Variants in KIAA2012 observed in about 807,000 individuals in gnomAD.
The protein encoded by KIAA2012 is uncharacterized protein KIAA2012.
A neutral mutation model predicts 150.6 loss-of-function variants in KIAA2012; 125 were observed. The observed-to-expected ratio is 0.83, with a 90% CI of 0.72 to 0.96. The LOEUF (loss-of-function observed/expected upper bound fraction) is 0.96. Among genes scored for constraint, KIAA2012 ranks in the 40% least tolerant of loss-of-function variants. The pLI, the probability that KIAA2012 is intolerant of heterozygous loss-of-function variation, is 0.00. For missense variants in KIAA2012, 1,219 were observed against 1,354.9 expected, an observed-to-expected ratio of 0.90 and a Z score of 1.57; for synonymous variants, 462 against 504.7, an observed-to-expected ratio of 0.92 and a Z score of 1.13.
chr2:202,112,386 G>A lies in KIAA2012; in HGVS notation c.1652-950G>A, dbSNP rs551400049. ...CCCATCTCTTCATATGGCTGTTCAC[G>A]ATATCCTTTCTAATGTCCTTTATAA... On this transcript the variant is annotated intron_variant, in intron 10 of 23. Coordinates refer to ENST00000498697, the MANE Select transcript of KIAA2012 (RefSeq NM_001277372.4). Among the ~76,000 whole-genome samples, 8 of 152,310 alleles carry A rather than the reference G, an allele frequency of 5.3e-5. No individual in the cohort carries two copies. The East Asian group carries it at 1.4e-3, about 26-fold the overall frequency.
intron 19 of KIAA2012, 120 bp from the exon 20 acceptor site, chr2:202,193,181 T>C (rs896181768): frequency 9.9e-7 from 1 of 1,006,972 alleles, no homozygotes; most frequent in Non-Finnish European, 1.5e-6. Flanking sequence ...GTGGGCAAAG[T>C]GTGGAGTCTG....
chr2:202,109,698 G>A lies in KIAA2012; in HGVS notation c.1560G>A (p.Lys520=). 6.4e-7 allele frequency: 1 copy of A among 1,550,654 alleles called. No homozygotes were observed. Among genetic ancestry groups the A allele is most frequent in the Non-Finnish European group, 8.7e-7 (1 of 1,147,002 alleles). The change falls in exon 10 of 24, where the codon AAG becomes AAA. Residue 520 remains lysine, a synonymous_variant. Coordinates refer to ENST00000498697, the MANE Select transcript of KIAA2012 (RefSeq NM_001277372.4). The part of the protein sequence containing the change: ...IKGKKSPESQ[K]GVDSPRTSDH... ...GAAAAAAAAGTCCTGAGAGCCAGAA[G>A]GGCGTGGACAGCCCTAGGACATCAG...
intron 7 of KIAA2012, among the ~76,000 whole-genome samples, chr2:202,101,200 A>G (rs1184211328): frequency 3.9e-5 from 6 of 152,230 alleles, no homozygotes; most frequent in Middle Eastern, 3.2e-3. Flanking sequence ...TGTGATCTAC[A>G]GTGATGTTGA....
chr2:202,140,944 T>C (rs1575032609), intron 13 of KIAA2012, among the ~76,000 whole-genome samples: 1 of 152,018 alleles, frequency 6.6e-6, no homozygotes, highest in Admixed American at 6.6e-5. Flanking sequence ...TTTGTACTTT[T>C]ATCACCCTGC....
rs3068268 is a variant in KIAA2012 at position 202,200,707 on chromosome 2, C to CTTT, written c.3408-1709_3408-1707dup. 4.6e-4 allele frequency among the ~76,000 whole-genome samples: 57 copies of CTTT among 124,246 alleles called. 14 individuals are homozygous for CTTT. Among genetic ancestry groups the CTTT allele is most frequent in the Non-Finnish European group, 5.9e-4 (37 of 62,506 alleles). The allele number at this position is 124,246 out of a possible 152,430, so 81.5% of individuals were successfully genotyped here. ...AAGACCAATCAGAATAATTTTGGAA[C>CTTT]TTTTTTTTTTTTTTTGGTGACGGAG... On this transcript the variant is annotated intron_variant, in intron 22 of 23. Coordinates refer to ENST00000498697, the MANE Select transcript of KIAA2012 (RefSeq NM_001277372.4).
intron 14 of KIAA2012, among the ~76,000 whole-genome samples, chr2:202,160,604 C>T (rs534281328): frequency 6.6e-5 from 10 of 152,188 alleles, no homozygotes; most frequent in East Asian, 1.9e-4. Flanking sequence ...TGAGCCACCA[C>T]GCCCGGCCAA....
chr2:202,074,284 T>C (rs1419697994), intron 1 of KIAA2012, among the ~76,000 whole-genome samples: 1 of 152,182 alleles, frequency 6.6e-6, no homozygotes, highest in Non-Finnish European at 1.5e-5. Context: ...TTGGGGGTCA[T>C]ACAGAGATTT....
intron 2 of KIAA2012, among the ~76,000 whole-genome samples, chr2:202,088,067 G>C (rs1480919588): frequency 6.6e-6 from 1 of 151,576 alleles, no homozygotes; most frequent in African/African-American, 2.4e-5. Context: ...TAAGTTGCTA[G>C]AAACAATGTA....
chr2:202,140,453 G>A (rs1691176326), intron 13 of KIAA2012, among the ~76,000 whole-genome samples: 1 of 152,102 alleles, frequency 6.6e-6, no homozygotes, highest in African/African-American at 2.4e-5. Context: ...CCAAGTCGCA[G>A]TAGTCCCAAT....
At chr2:202,128,564 A>C (rs1305771376) in intron 12 of KIAA2012, among the ~76,000 whole-genome samples, 1 of 151,884 alleles carries the variant, frequency 6.6e-6, no homozygotes, top group African/African-American at 2.4e-5. Context: ...GAGGCACCAC[A>C]CTCAGTCACT....
chr2:202,203,919 G>A lies in KIAA2012; in HGVS notation c.*21-1079G>A, dbSNP rs896925262. 1.1e-4 allele frequency among the ~76,000 whole-genome samples: 16 copies of A among 151,784 alleles called. No homozygotes were observed. The East Asian group carries it at 2.3e-3, about 22-fold the overall frequency. ...CGAGTAGCTGAGACTACAGGCCCCC[G>A]CCACCATGCCTGGCTAATTTTTTAT... On this transcript the variant is annotated intron_variant, in intron 23 of 23. Coordinates refer to ENST00000498697, the MANE Select transcript of KIAA2012 (RefSeq NM_001277372.4).
chr2:202,177,553 G>A (rs531943834), intron 15 of KIAA2012, among the ~76,000 whole-genome samples: 12 of 152,236 alleles, frequency 7.9e-5, no homozygotes, highest in Admixed American at 4.6e-4. Flanking sequence ...ATTCCCACAA[G>A]CCCTTTTTCT....
chr2:202,154,923 A>G (rs1246175170), intron 14 of KIAA2012, 113 bp downstream of exon 14: 3 of 1,243,112 alleles, frequency 2.4e-6, no homozygotes, highest in African/African-American at 1.5e-5. Context: ...GAGCTCCTGC[A>G]TTATCAGAAG....
At chr2:202,120,033 T>TA (rs1421598628) in intron 11 of KIAA2012, among the ~76,000 whole-genome samples, 1 of 152,226 alleles carries the variant, frequency 6.6e-6, no homozygotes, top group East Asian at 1.9e-4. Flanking sequence ...GCTATCCATG[T>TA]AAGATGTGAC....
At position 202,205,153 on chromosome 2, in the gene KIAA2012, T is replaced by C. The variant is rs1052521753; in HGVS notation, c.*176T>C. 5.9e-5 allele frequency: 9 copies of C among 152,222 alleles called. No individual in the cohort carries two copies. Among genetic ancestry groups the C allele is most frequent in the Admixed American group, 5.2e-4 (8 of 15,278 alleles). The allele number at this position is 152,222 out of a possible 1,614,324, so 9.4% of individuals were successfully genotyped here. On this transcript the variant is annotated 3_prime_UTR_variant, in exon 24 of 24. Coordinates refer to ENST00000498697, the MANE Select transcript of KIAA2012 (RefSeq NM_001277372.4). ...GATAAGCACACATTTAAGTTAACCA[T>C]ATCAGAGTGCAATGCATTTCGAAAA...
At chr2:202,192,023 G>A (rs1692333373) in intron 19 of KIAA2012, among the ~76,000 whole-genome samples, 1 of 152,106 alleles carries the variant, frequency 6.6e-6, no homozygotes, top group South Asian at 2.1e-4. Flanking sequence ...ATGGCTCATG[G>A]TCTTCCAAAA....
chr2:202,147,441 G>C (rs1691324581), intron 13 of KIAA2012, among the ~76,000 whole-genome samples: 1 of 152,210 alleles, frequency 6.6e-6, no homozygotes, highest in African/African-American at 2.4e-5. Context: ...GGCTGCAGAG[G>C]AAAATGTAGA....
chr2:202,125,643 C>A (rs964195619), intron 12 of KIAA2012, among the ~76,000 whole-genome samples: 2 of 152,108 alleles, frequency 1.3e-5, no homozygotes, highest in Non-Finnish European at 2.9e-5. Context: ...AGTCGTGCAT[C>A]CCTCAGCCTG....
intron 23 of KIAA2012, among the ~76,000 whole-genome samples, chr2:202,204,245 T>G (rs914582283): frequency 2.6e-5 from 4 of 151,896 alleles, no homozygotes; most frequent in Admixed American, 6.6e-5. Flanking sequence ...CTTGGCTAAT[T>G]TGTATATTTT....
Sources: gnomAD v4.1 joint callset for allele counts (sites outside exome capture counted in the v4.1 genomes callset) on GRCh38, gnomAD v4.1.1 for gene constraint, MANE v1.5 for transcripts, NCBI Gene and HGNC (gene_info 2026-07-23, HGNC 2026-07-21) for gene names.